The following SLC1A2 variants were observed in gnomAD, a reference collection of about 807,000 sequenced individuals.
SLC1A2 encodes the protein solute carrier family 1 member 2.
SLC1A2 carries 15 observed loss-of-function variants against 48.8 expected under a neutral mutation model. The observed-to-expected ratio is 0.31, with a 90% CI of 0.21 to 0.47. The LOEUF (loss-of-function observed/expected upper bound fraction) is 0.47, where lower values mean the gene tolerates loss of function less well. Ranked by LOEUF, SLC1A2 falls within the 20% of genes least tolerant of loss-of-function variation. The probability of loss-of-function intolerance (pLI) is 0.99; values close to 1 mark genes in which losing one functional copy is unlikely to be tolerated. For synonymous variants in SLC1A2, 279 were observed against 272.6 expected, an observed-to-expected ratio of 1.02 and a Z score of -0.23; for missense variants, 502 against 730.5, an observed-to-expected ratio of 0.69 and a Z score of 3.61.
intron 1 of SLC1A2, among the ~76,000 whole-genome samples, chr11:35,378,002 G>A (rs940672556): frequency 1.3e-5 from 2 of 152,162 alleles, no homozygotes; most frequent in African/African-American, 2.4e-5. Context: ...ACATTGTGCA[G>A]GAACTTGGAG....
At chr11:35,396,129 A>G (rs1201653987) in intron 1 of SLC1A2, among the ~76,000 whole-genome samples, 1 of 132,304 alleles carries the variant, frequency 7.6e-6, no homozygotes, top group Non-Finnish European at 1.5e-5. Context: ...TAATGCTGCA[A>G]TAAACATACG....
intron 6 of SLC1A2, among the ~76,000 whole-genome samples, chr11:35,292,989 C>CAGAGAG (rs144246892): frequency 0.014 from 2,157 of 150,150 alleles, 43 homozygotes; most frequent in East Asian, 0.096. Context: ...GAGAGAGAGA[C>CAGAGAG]AGAGAGAGAG....
chr11:35,297,788 C>G (rs1049558483), intron 6 of SLC1A2: 2 of 152,110 alleles, frequency 1.3e-5, no homozygotes, highest in Admixed American at 6.5e-5. Flanking sequence ...ATATTGGTAA[C>G]AGCAAACAGC....
intron 1 of SLC1A2, among the ~76,000 whole-genome samples, chr11:35,358,674 A>G (rs1224704298): frequency 2.0e-5 from 3 of 152,142 alleles, no homozygotes; most frequent in Admixed American, 6.5e-5. Flanking sequence ...ACTTCTGAAA[A>G]GAGAAACTAA....
chr11:35,257,273 C>A lies in SLC1A2; in HGVS notation c.*3621G>T, dbSNP rs1270171358. ...CCCCATGACTTGAATTTTCCCTAAG[C>A]CTTTCTCATATTCCATGAGTCTAAA... On this transcript the variant is annotated 3_prime_UTR_variant, in exon 11 of 11. Coordinates refer to ENST00000278379, the MANE Select transcript of SLC1A2 (RefSeq NM_004171.4). The A allele has an allele frequency of 2.6e-5, 4 of 152,190 alleles. No homozygotes were observed. The highest frequency in any genetic ancestry group is 9.7e-5 in the African/African-American group (4 of 41,446). 9.4% of individuals were successfully genotyped at this position (152,190 alleles called of 1,614,324 possible).
chr11:35,360,105 C>T (rs1053505917), intron 1 of SLC1A2: 1 of 985,072 alleles, frequency 1.0e-6, no homozygotes. Flanking sequence ...GCTGTGCCTT[C>T]CATCACAGTC....
At chr11:35,299,319 C>T (rs1851272859) in intron 6 of SLC1A2, 2 of 151,174 alleles carry the variant, frequency 1.3e-5, no homozygotes, top group Non-Finnish European at 1.5e-5. Context: ...AGCCTGGCAA[C>T]AGGGCGAGTC....
intron 8 of SLC1A2, among the ~76,000 whole-genome samples, chr11:35,283,057 G>T (rs1341752306): frequency 6.8e-6 from 1 of 147,602 alleles, no homozygotes; most frequent in Non-Finnish European, 1.5e-5. Flanking sequence ...CAGTAACCCT[G>T]CAAGGGACAT....
At chr11:35,380,848 T>C (rs1010811829) in intron 1 of SLC1A2, among the ~76,000 whole-genome samples, 1 of 152,186 alleles carries the variant, frequency 6.6e-6, no homozygotes, top group African/African-American at 2.4e-5. Flanking sequence ...ACTGGATGAC[T>C]GTTATGCTCC....
At chr11:35,268,375 G>A (rs1305301976) in intron 9 of SLC1A2, among the ~76,000 whole-genome samples, 1 of 152,124 alleles carries the variant, frequency 6.6e-6, no homozygotes, top group Non-Finnish European at 1.5e-5. Context: ...CACTTACTAT[G>A]TATAAGAATA....
intron 8 of SLC1A2, among the ~76,000 whole-genome samples, chr11:35,282,965 C>G (rs746141446): frequency 6.6e-6 from 1 of 151,538 alleles, no homozygotes; most frequent in Non-Finnish European, 1.5e-5. Context: ...CTTTGCCTGG[C>G]CTTCCACTCC....
chr11:35,312,461 G>T lies in SLC1A2; in HGVS notation c.311-13C>A. 2 of 1,613,412 alleles carry T rather than the reference G, an allele frequency of 1.2e-6. No homozygotes were observed. The highest frequency in any genetic ancestry group is 2.2e-5 in the East Asian group (1 of 44,850). On this transcript the variant is annotated splice_polypyrimidine_tract_variant and intron_variant, in intron 3 of 10. Transcript: ENST00000278379. ...AGGCCTGACAACCCTGGATTGAAAA[G>T]AAATGCAGAAGGATTAATTCTATTA...
At chr11:35,271,235 A>G (rs1850271305) in intron 9 of SLC1A2, among the ~76,000 whole-genome samples, 1 of 152,200 alleles carries the variant, frequency 6.6e-6, no homozygotes, top group South Asian at 2.1e-4. Flanking sequence ...TTGAGGGTGA[A>G]GCATGTGACT....
intron 1 of SLC1A2, among the ~76,000 whole-genome samples, chr11:35,386,704 C>T (rs868128127): frequency 2.0e-5 from 3 of 152,186 alleles, no homozygotes; most frequent in African/African-American, 7.2e-5. Context: ...TACTAAGGGG[C>T]TTAATGTGTG....
intron 1 of SLC1A2, among the ~76,000 whole-genome samples, chr11:35,372,293 C>T (rs1233224359): frequency 1.3e-5 from 2 of 152,222 alleles, no homozygotes; most frequent in Admixed American, 6.5e-5. Flanking sequence ...CAACAAATCA[C>T]GCCACCCAGG....
At chr11:35,389,578 C>T (rs1249242892) in intron 1 of SLC1A2, among the ~76,000 whole-genome samples, 2 of 152,080 alleles carry the variant, frequency 1.3e-5, no homozygotes, top group Non-Finnish European at 2.9e-5. Context: ...TCAAGCGATT[C>T]TCCTGCCTCA....
chr11:35,307,147 C>A (rs1851538178), intron 4 of SLC1A2: 1 of 152,238 alleles, frequency 6.6e-6, no homozygotes, highest in Non-Finnish European at 1.5e-5. Flanking sequence ...CATGATCCAC[C>A]TGTTTTCCCC....
chr11:35,379,026 C>G (rs1022081116), intron 1 of SLC1A2, among the ~76,000 whole-genome samples: 2 of 152,056 alleles, frequency 1.3e-5, no homozygotes. Context: ...GTCAGGAGTT[C>G]GAGACCAGCC....
At chr11:35,347,706 G>A (rs7945809) in intron 1 of SLC1A2, among the ~76,000 whole-genome samples, 85,574 of 152,004 alleles carry the variant, frequency 0.56, 24,997 homozygotes, top group East Asian at 0.7. Context: ...CCCTGAGCCA[G>A]GCAGGCACTG....
Sources: allele counts gnomAD v4.1 joint callset (sites outside exome capture counted in the v4.1 genomes callset), GRCh38; gene constraint gnomAD v4.1.1; transcripts MANE v1.5; gene names NCBI Gene and HGNC (gene_info 2026-07-23, HGNC 2026-07-21).